The following MEGF10 variants were observed in gnomAD, a reference collection of about 807,000 sequenced individuals.
The protein encoded by MEGF10 is multiple EGF like domains 10.
A neutral mutation model predicts 147.5 loss-of-function variants in MEGF10; 86 were observed. The ratio of observed to expected loss-of-function variants is 0.58; its 90% CI spans 0.49 to 0.70. The LOEUF is 0.70. Among genes scored for constraint, MEGF10 ranks in the 30% least tolerant of loss-of-function variants. MEGF10 has a pLI of 0.00. For synonymous variants in MEGF10, 478 were observed against 525.5 expected (o/e 0.91, Z 1.24); for missense variants, 1,329 against 1,487.3 (o/e 0.89, Z 1.75).
chr5:127,401,920 G>T (rs1764149399), intron 7 of MEGF10, among the ~76,000 whole-genome samples: 1 of 152,160 alleles, frequency 6.6e-6, no homozygotes, highest in Non-Finnish European at 1.5e-5. Flanking sequence ...GCTCAGCAAT[G>T]CTTGTTGAAT....
rs370649819 is a variant in MEGF10, at chr5:127,447,337, G to A, written c.2729-220G>A. On this transcript the variant is annotated intron_variant, in intron 20 of 24. Coordinates refer to ENST00000503335, the MANE Select transcript of MEGF10 (RefSeq NM_001256545.2). ...ACTACAGGCGCATGCTACCGTGCCC[G>A]GCTAATTTTTTTTGTACTTTTAGTA... Among the ~76,000 whole-genome samples, 6 of 152,094 alleles carry A rather than the reference G, an allele frequency of 3.9e-5. No homozygotes were observed. The South Asian group carries it at 8.3e-4, about 21-fold the overall frequency.
intron 13 of MEGF10, 44 bp downstream of exon 13, chr5:127,422,816 T>A: frequency 7.1e-7 from 1 of 1,406,744 alleles, no homozygotes; most frequent in Non-Finnish European, 1.0e-6. Context: ...ACCCGCCAAT[T>A]TAACACCTAG....
At chr5:127,279,847 G>T in the MEGF10 span, among the ~76,000 whole-genome samples, 1 of 152,172 alleles carries the variant, frequency 6.6e-6, no homozygotes, top group Admixed American at 6.5e-5. Flanking sequence ...ATCTGATGCA[G>T]GATGGTGTTA....
intron 9 of MEGF10, among the ~76,000 whole-genome samples, chr5:127,415,196 A>G (rs1764712522): frequency 6.6e-6 from 1 of 152,226 alleles, no homozygotes; most frequent in South Asian, 2.1e-4. Flanking sequence ...ATGAGGCCCC[A>G]CGGGCTGTAT....
the MEGF10 span, among the ~76,000 whole-genome samples, chr5:127,261,347 A>G: frequency 1.3e-5 from 2 of 152,200 alleles, no homozygotes; most frequent in African/African-American, 4.8e-5. Flanking sequence ...TAGAAATAGA[A>G]TCTTACAATA....
At chr5:127,238,029 CTA>C in the MEGF10 span, among the ~76,000 whole-genome samples, 21,003 of 136,892 alleles carry the variant, frequency 0.15, 1,512 homozygotes, top group East Asian at 0.19. Flanking sequence ...AAACTTCAGA[CTA>C]TATATATATA....
At position 127,432,701 on chromosome 5, in the gene MEGF10, C is replaced by T. The variant is rs35518; in HGVS notation, c.1694-662C>T. Among the ~76,000 whole-genome samples, 82 of 152,098 alleles carry T rather than the reference C, an allele frequency of 5.4e-4. No homozygotes were observed. In the East Asian group the frequency reaches 0.013, roughly 24 times the overall value. On this transcript the variant is annotated intron_variant, in intron 13 of 24. Coordinates refer to ENST00000503335, the MANE Select transcript of MEGF10 (RefSeq NM_001256545.2). ...CATTTTTTTTAATTCTAAAGTTTCTCAGTATTTAAAATTAGAGTTAAACAA... is the reference window on the plus strand; with the variant it reads ...CATTTTTTTTAATTCTAAAGTTTCTTAGTATTTAAAATTAGAGTTAAACAA...
rs1364016361 is a variant in MEGF10, at chr5:127,364,983, T to C, written c.320-4927T>C. Among the ~76,000 whole-genome samples the C allele has an allele frequency of 2.0e-5, 3 of 152,320 alleles. No homozygotes were observed. In the East Asian group the frequency reaches 5.8e-4, roughly 29 times the overall value. On this transcript the variant is annotated intron_variant, in intron 4 of 24. Transcript: ENST00000503335. ...TACCCATTTTCCTGATCTGTTTTCT[T>C]GTCTGAAAAATGTAGGAATGATGCT...
At position 127,428,494 on chromosome 5, in the gene MEGF10, A is replaced by G. The variant is rs1004588997; in HGVS notation, c.1694-4869A>G. ...ACTACACCACACTATGCTGTACTAC[A>G]CTACACTACGCTACACTACACTACA... On this transcript the variant is annotated intron_variant, in intron 13 of 24. Transcript: ENST00000503335. Among the ~76,000 whole-genome samples, 4 of 152,170 alleles carry G rather than the reference A, an allele frequency of 2.6e-5. No homozygotes were observed. The East Asian group carries it at 7.7e-4, about 29-fold the overall frequency.
intron 4 of MEGF10, among the ~76,000 whole-genome samples, chr5:127,348,277 TTG>T (rs1362662390): frequency 6.6e-6 from 1 of 152,112 alleles, no homozygotes; most frequent in Non-Finnish European, 1.5e-5. Context: ...ATAAAATGTA[TTG>T]TCTTTTACTT....
chr5:127,281,866 T>C, the MEGF10 span, among the ~76,000 whole-genome samples: 1 of 152,240 alleles, frequency 6.6e-6, no homozygotes, highest in Non-Finnish European at 1.5e-5. Flanking sequence ...GCTCCTTGGC[T>C]GTGCTCCTCC....
intron 4 of MEGF10, among the ~76,000 whole-genome samples, chr5:127,369,189 A>C (rs1450504529): frequency 1.3e-5 from 2 of 152,188 alleles, no homozygotes; most frequent in Admixed American, 1.3e-4. Context: ...GCATGGTACT[A>C]AGGTTGATGA....
chr5:127,308,293 T>C (rs1760106567), intron 1 of MEGF10, among the ~76,000 whole-genome samples: 5 of 151,976 alleles, frequency 3.3e-5, no homozygotes, highest in Non-Finnish European at 1.5e-5. Context: ...AAAGACAAAC[T>C]CCTTTAAAAC....
chr5:127,400,037 G>A (rs1018498247), intron 7 of MEGF10, among the ~76,000 whole-genome samples: 5 of 152,248 alleles, frequency 3.3e-5, no homozygotes, highest in African/African-American at 1.2e-4. Flanking sequence ...AGACCTGGTA[G>A]TAGAATTGGT....
chr5:127,323,048 A>T (rs912779620), intron 1 of MEGF10, among the ~76,000 whole-genome samples: 3 of 152,062 alleles, frequency 2.0e-5, no homozygotes, highest in African/African-American at 7.2e-5. Flanking sequence ...ATGCACAGGC[A>T]TTCTTTGTGG....
rs77069740 is a variant in MEGF10, at chr5:127,373,462, C to T, written c.412+3460C>T. Among the ~76,000 whole-genome samples, 950 of 152,244 alleles carry T rather than the reference C, an allele frequency of 6.2e-3. 9 individuals are homozygous for T. The highest frequency in any genetic ancestry group is 0.022 in the African/African-American group (912 of 41,538). ...CCACTGCGCCCAACCCATTGTGTCC[C>T]TTTGACATGACTCATCTTTTTGATT... On this transcript the variant is annotated intron_variant, in intron 5 of 24. Coordinates refer to ENST00000503335, the MANE Select transcript of MEGF10 (RefSeq NM_001256545.2).
At chr5:127,438,942 A>T (rs1349370636) in intron 17 of MEGF10, among the ~76,000 whole-genome samples, 2 of 152,228 alleles carry the variant, frequency 1.3e-5, no homozygotes, top group Admixed American at 1.3e-4. Flanking sequence ...GCCTGATTTA[A>T]TGTGCGCTCT....
At chr5:127,361,012 G>T (rs1468169412) in intron 4 of MEGF10, among the ~76,000 whole-genome samples, 1 of 151,880 alleles carries the variant, frequency 6.6e-6, no homozygotes, top group Non-Finnish European at 1.5e-5. Flanking sequence ...CTTTCTTACT[G>T]CAAATGTCTC....
At chr5:127,295,796 T>G (rs930152583) in intron 1 of MEGF10, among the ~76,000 whole-genome samples, 3 of 152,224 alleles carry the variant, frequency 2.0e-5, no homozygotes, top group African/African-American at 7.2e-5. Context: ...TTCTCAAGGG[T>G]GTGTACCCAG....
Sources: allele counts gnomAD v4.1 joint callset (sites outside exome capture counted in the v4.1 genomes callset), GRCh38; gene constraint gnomAD v4.1.1; transcripts MANE v1.5; gene names NCBI Gene and HGNC (gene_info 2026-07-23, HGNC 2026-07-21).